Variants in RMDN3 observed in about 807,000 individuals in gnomAD.
RMDN3 encodes regulator of microtubule dynamics 3.
In RMDN3, 41 loss-of-function variants were observed where a neutral mutation model predicts 61.8. The ratio of observed to expected loss-of-function variants is 0.66; its 90% confidence interval spans 0.52 to 0.86. The LOEUF is 0.86. Among genes scored for constraint, RMDN3 ranks in the 40% least tolerant of loss-of-function variants. The pLI, the probability that RMDN3 is intolerant of heterozygous loss-of-function variation, is 0.00. For synonymous variants in RMDN3, 247 were observed against 232.0 expected, an observed-to-expected ratio of 1.06 and a Z score of -0.59; for missense variants, 557 against 585.3, an observed-to-expected ratio of 0.95 and a Z score of 0.50.
chr15:40,747,843 T>C (rs1897640245), intron 4 of RMDN3: 1 of 152,064 alleles, frequency 6.6e-6, no homozygotes, highest in Non-Finnish European at 1.5e-5. Context: ...ACCTAAACCA[T>C]GTTAGAGACT....
chr15:40,747,997 C>T (rs1897646980), intron 4 of RMDN3, among the ~76,000 whole-genome samples: 1 of 152,126 alleles, frequency 6.6e-6, no homozygotes, highest in Non-Finnish European at 1.5e-5. Flanking sequence ...CCTGGGAAGG[C>T]TTGCTGGAGG....
At chr15:40,741,620 A>ATTTTTTTTTT (rs553262858) in intron 6 of RMDN3, among the ~76,000 whole-genome samples, 1,568 of 71,700 alleles carry the variant, frequency 0.022, 352 homozygotes, top group Non-Finnish European at 0.032. Flanking sequence ...GCAACATAGG[A>ATTTTTTTTTT]TTTTTTTTTT....
chr15:40,736,702 CA>C (rs1897064738), intron 12 of RMDN3, 108 bp from the exon 13 acceptor site: 5 of 928,676 alleles, frequency 5.4e-6, no homozygotes, highest in Non-Finnish European at 8.5e-6. Context: ...AGCTCTGCTA[CA>C]GTCTTTTTCC....
chr15:40,744,930 T>G (rs1567065166), intron 5 of RMDN3, 47 bp downstream of exon 5: 2 of 1,529,344 alleles, frequency 1.3e-6, no homozygotes, highest in Admixed American at 2.1e-5. Context: ...AACAGAGAGA[T>G]GGAGGGAGGG....
chr15:40,738,465 G>A (rs536503610), intron 8 of RMDN3, 36 bp downstream of exon 8: 2 of 1,606,702 alleles, frequency 1.2e-6, no homozygotes, highest in East Asian at 2.2e-5. Context: ...ATCTGGGATA[G>A]GCCAGCACAA....
intron 3 of RMDN3, 55 bp downstream of exon 3, chr15:40,751,931 C>G (rs1897840204): frequency 1.9e-6 from 3 of 1,563,866 alleles, no homozygotes; most frequent in Non-Finnish European, 2.6e-6. Flanking sequence ...GAACACACCC[C>G]AGCTGAAAAG....
intron 4 of RMDN3, 138 bp from the exon 5 acceptor site, chr15:40,745,397 G>A: frequency 2.6e-6 from 2 of 779,972 alleles, no homozygotes; most frequent in South Asian, 2.0e-5. Context: ...TACCTCTTAA[G>A]GGCAGACTTT....
At position 40,744,146 on chromosome 15, in the gene RMDN3, C is replaced by T. The variant is rs769453407; in HGVS notation, c.811G>A (p.Gly271Arg). Residue 271 changes from glycine (G) to arginine (R), a missense_variant, in exon 6 of 13, where the codon GGA becomes AGA. Physicochemically the swap from Gly to Arg is moderately radical, Grantham distance 125. Transcript: ENST00000338376. ...CGCCAGAGAAAGTCCTGCCGGCTTC[C>T]ATACTGCAGACCAGACAGAAACGGG... ...QLLLNNKLVYGSRQDFLWRLA... is the reference protein window; with the variant it reads ...QLLLNNKLVYRSRQDFLWRLA... The T allele has an allele frequency of 3.7e-6, 6 of 1,613,218 alleles. No homozygotes were observed. The highest frequency in any genetic ancestry group is 5.1e-6 in the Non-Finnish European group (6 of 1,180,032).
intron 7 of RMDN3, 35 bp from the exon 8 acceptor site, chr15:40,738,611 T>C (rs1316375325): frequency 6.2e-6 from 10 of 1,608,006 alleles, no homozygotes; most frequent in Middle Eastern, 3.3e-4. Context: ...GGACAAGGGC[T>C]GAGTACCATC....
chr15:40,753,496 G>A (rs1367636747), intron 2 of RMDN3, among the ~76,000 whole-genome samples: 2 of 151,790 alleles, frequency 1.3e-5, no homozygotes, highest in Admixed American at 1.3e-4. Context: ...CTGGGCAACA[G>A]AGCGAGACTC....
At position 40,735,930 on chromosome 15, in the gene RMDN3, T is replaced by C. The variant is rs1366189697; in HGVS notation, c.*611A>G. The C allele has an allele frequency of 3.3e-5, 5 of 152,158 alleles. No homozygotes were observed. Among genetic ancestry groups the C allele is most frequent in the African/African-American group, 1.2e-4 (5 of 41,434 alleles). 9.4% of individuals were successfully genotyped at this position (152,158 alleles called of 1,614,324 possible). On this transcript the variant is annotated 3_prime_UTR_variant, in exon 13 of 13. Transcript: ENST00000338376. ...ATTTCAAGTTTGTAACAAAATATATTCTAGGCAACTTTTCAGACATTGTTT... is the reference window on the plus strand; with the variant it reads ...ATTTCAAGTTTGTAACAAAATATATCCTAGGCAACTTTTCAGACATTGTTT...
intron 4 of RMDN3, 56 bp from the exon 5 acceptor site, chr15:40,745,315 G>A (rs1299016066): frequency 1.3e-6 from 2 of 1,551,698 alleles, no homozygotes; most frequent in Admixed American, 1.7e-5. Flanking sequence ...AGCCCCTAGG[G>A]TCTGTCTATC....
intron 2 of RMDN3, among the ~76,000 whole-genome samples, chr15:40,753,600 G>A (rs2141928786): frequency 6.6e-6 from 1 of 152,300 alleles, no homozygotes; most frequent in South Asian, 2.1e-4. Flanking sequence ...ACCAGCCCTA[G>A]ATCCTTTGCT....
chr15:40,743,235 A>G (rs1897351644), intron 6 of RMDN3, among the ~76,000 whole-genome samples: 2 of 152,162 alleles, frequency 1.3e-5, no homozygotes, highest in South Asian at 4.1e-4. Flanking sequence ...AGCCTAGCCA[A>G]CATGGCGAAA....
Position 40,744,069 on chromosome 15 carries a change from C to A in RMDN3, c.888G>T (p.Glu296Asp), listed in dbSNP as rs1294229352. 6.2e-7 allele frequency: 1 copy of A among 1,613,172 alleles called. No individual in the cohort carries two copies. Among genetic ancestry groups the A allele is most frequent in the Non-Finnish European group, 8.5e-7 (1 of 1,179,856 alleles). The change falls in exon 6 of 13, where the codon GAG (glutamate) becomes GAT (aspartate). Residue 296 changes from glutamate (E) to aspartate (D), a missense_variant. Glu to Asp is a conservative substitution (Grantham distance 45). Coordinates refer to ENST00000338376, the MANE Select transcript of RMDN3 (RefSeq NM_018145.3). ...DMCELTEEVS[E>D]KKSYALDGKE... ...TACCATCTAGGGCATATGACTTCTT[C>A]TCGCTCACCTCCTCAGTGAGCTCAC...
chr15:40,741,620 A>ATTTTTTTTTTTTTTTTTTTTTTTTTTTTT lies in RMDN3; in HGVS notation c.911-1428_911-1427insAAAAAAAAAAAAAAAAAAAAAAAAAAAAA, dbSNP rs553262858. On this transcript the variant is annotated intron_variant, in intron 6 of 12. Coordinates refer to ENST00000338376, the MANE Select transcript of RMDN3 (RefSeq NM_018145.3). The stretch of plus-strand genomic sequence containing the variant: ...ACTGGAGAAGACACTGCAACATAGG[A>ATTTTTTTTTTTTTTTTTTTTTTTTTTTTT]TTTTTTTTTTTTTTTTTTTTTTTTT... Among the ~76,000 whole-genome samples, 6 of 71,734 alleles carry ATTTTTTTTTTTTTTTTTTTTTTTTTTTTT rather than the reference A, an allele frequency of 8.4e-5. 1 individual carries two copies. The highest frequency in any genetic ancestry group is 2.1e-4 in the African/African-American group (4 of 19,050). 47.1% of individuals were successfully genotyped at this position (71,734 alleles called of 152,430 possible). A position where few individuals can be genotyped will look rare whatever the true frequency, so the allele number is the denominator to read the frequency against.
At chr15:40,737,865 C>A in intron 9 of RMDN3, 100 bp downstream of exon 9, 1 of 1,496,008 alleles carries the variant, frequency 6.7e-7, no homozygotes, top group Non-Finnish European at 9.3e-7. Flanking sequence ...AGAAAGGGCA[C>A]CTGAGCCAGA....
chr15:40,749,270 C>G (rs1314840503), intron 4 of RMDN3, among the ~76,000 whole-genome samples: 1 of 152,212 alleles, frequency 6.6e-6, no homozygotes, highest in African/African-American at 2.4e-5. Flanking sequence ...AATCTCAGCA[C>G]TTGGAGGCTG....
Position 40,745,273 on chromosome 15 carries a change from G to A in RMDN3, c.525-14C>T, listed in dbSNP as rs1278403282. 3 of 1,611,926 alleles carry A rather than the reference G, an allele frequency of 1.9e-6. No individual in the cohort carries two copies. Among genetic ancestry groups the A allele is most frequent in the South Asian group, 2.2e-5 (2 of 90,964 alleles). On this transcript the variant is annotated splice_polypyrimidine_tract_variant and intron_variant, in intron 4 of 12. Coordinates refer to ENST00000338376, the MANE Select transcript of RMDN3 (RefSeq NM_018145.3). ...GCTGTTGTGTAACTGGCAGAGAAATGTAAGGGACAACAAGAGGATTATTCA... is the reference window on the plus strand; with the variant it reads ...GCTGTTGTGTAACTGGCAGAGAAATATAAGGGACAACAAGAGGATTATTCA...
Sources: allele counts gnomAD v4.1 joint callset (sites outside exome capture counted in the v4.1 genomes callset), GRCh38; gene constraint gnomAD v4.1.1; transcripts MANE v1.5; gene names NCBI Gene and HGNC (gene_info 2026-07-23, HGNC 2026-07-21).